IL36B: variants seen among roughly 807,000 people sequenced by gnomAD.
IL36B encodes the protein interleukin 36 beta, also known as interleukin-36 beta.
Under a neutral mutation model 19.3 loss-of-function variants are expected in IL36B, and 23 were observed. The ratio of observed to expected loss-of-function variants is 1.19; its 90% confidence interval spans 0.86 to 1.69. The LOEUF (loss-of-function observed/expected upper bound fraction) is 1.69. Among genes scored for constraint, IL36B ranks in the 40% most tolerant of loss-of-function variants. The pLI is 0.00. For missense variants in IL36B, 217 were observed against 200.5 expected, an observed-to-expected ratio of 1.08 and a Z score of -0.50; for synonymous variants, 59 against 59.7, an observed-to-expected ratio of 0.99 and a Z score of 0.05.
At position 113,032,376 on chromosome 2, in the gene IL36B, G is replaced by A. The variant is rs533291594; in HGVS notation, c.-57-610C>T. 2.0e-5 allele frequency among the ~76,000 whole-genome samples: 3 copies of A among 152,184 alleles called. No homozygotes were observed. In the East Asian group the frequency reaches 5.8e-4, roughly 29 times the overall value. On this transcript the variant is annotated intron_variant, in intron 1 of 5. Coordinates refer to ENST00000259213, the MANE Select transcript of IL36B (RefSeq NM_014438.5). ...GACTATTAGGGATCATCTGCCTCTG[G>A]TTTTCTAGTTAGGGCACCAGAACAG...
At chr2:113,028,666 G>A (rs996995689) in intron 4 of IL36B, among the ~76,000 whole-genome samples, 1 of 152,268 alleles carries the variant, frequency 6.6e-6, no homozygotes, top group South Asian at 2.1e-4. Context: ...AAACAGGACC[G>A]AGAATGGAGA....
intron 1 of IL36B, among the ~76,000 whole-genome samples, chr2:113,051,656 C>T (rs932385756): frequency 1.3e-5 from 2 of 152,302 alleles, no homozygotes; most frequent in Admixed American, 6.5e-5. Context: ...CAGGGTTTCT[C>T]GAAAGCGCTA....
chr2:113,030,286 C>G (rs1028130394), intron 3 of IL36B, among the ~76,000 whole-genome samples: 2 of 151,618 alleles, frequency 1.3e-5, no homozygotes, highest in African/African-American at 4.8e-5. Context: ...GTCCATTACA[C>G]TAGTGAGCTA....
At chr2:113,033,245 G>A (rs982056780) in intron 1 of IL36B, among the ~76,000 whole-genome samples, 2 of 151,706 alleles carry the variant, frequency 1.3e-5, no homozygotes, top group Admixed American at 6.6e-5. Flanking sequence ...TTTTTTTTTG[G>A]AGATGGAGTC....
intron 3 of IL36B, among the ~76,000 whole-genome samples, chr2:113,030,351 G>A (rs999040058): frequency 6.6e-6 from 1 of 152,306 alleles, no homozygotes; most frequent in Admixed American, 6.5e-5. Context: ...GTATTTGAAG[G>A]TCATGGGTGA....
At chr2:113,031,882 C>T (rs1685082369) in intron 1 of IL36B, 116 bp from the exon 2 acceptor site, 1 of 587,316 alleles carries the variant, frequency 1.7e-6, no homozygotes, top group Non-Finnish European at 3.0e-6. Context: ...CTGAGAGCCT[C>T]TCCTAGATGC....
At chr2:113,039,819 T>C (rs1362002221) in intron 1 of IL36B, among the ~76,000 whole-genome samples, 1 of 152,178 alleles carries the variant, frequency 6.6e-6, no homozygotes, top group Non-Finnish European at 1.5e-5. Flanking sequence ...TGGCTTGTAT[T>C]GGATCAGGAC....
At chr2:113,022,984 G>A (rs1315496153) in intron 5 of IL36B, among the ~76,000 whole-genome samples, 2 of 152,138 alleles carry the variant, frequency 1.3e-5, no homozygotes, top group East Asian at 3.9e-4. Flanking sequence ...TAGAGTTGGT[G>A]GGCATGGTTT....
chr2:113,051,145 C>T (rs895376266), intron 1 of IL36B, among the ~76,000 whole-genome samples: 1 of 152,174 alleles, frequency 6.6e-6, no homozygotes, highest in African/African-American at 2.4e-5. Flanking sequence ...ACACTGAGAG[C>T]GGCAGGCCCC....
intron 5 of IL36B, among the ~76,000 whole-genome samples, chr2:113,024,989 T>C (rs1318301206): frequency 6.6e-6 from 1 of 152,224 alleles, no homozygotes; most frequent in African/African-American, 2.4e-5. Context: ...TTCCCTGGGC[T>C]CCTTCTCTTG....
intron 1 of IL36B, 47 bp from the exon 2 acceptor site, chr2:113,031,813 T>C: frequency 1.1e-6 from 1 of 896,654 alleles, no homozygotes; most frequent in Non-Finnish European, 1.8e-6. Context: ...AAACATGTTA[T>C]GCTTTTTTCT....
intron 5 of IL36B, among the ~76,000 whole-genome samples, chr2:113,024,680 G>A (rs1558829891): frequency 6.6e-6 from 1 of 152,312 alleles, no homozygotes; most frequent in East Asian, 1.9e-4. Context: ...GGGCACAGGT[G>A]GTGTGATGTA....
intron 1 of IL36B, among the ~76,000 whole-genome samples, chr2:113,043,591 T>C (rs994079508): frequency 1.3e-5 from 2 of 152,230 alleles, no homozygotes; most frequent in African/African-American, 4.8e-5. Context: ...AGACAGAGTC[T>C]TGCTCTGTCG....
At chr2:113,051,642 C>G (rs1685448145) in intron 1 of IL36B, among the ~76,000 whole-genome samples, 1 of 152,202 alleles carries the variant, frequency 6.6e-6, no homozygotes, top group Non-Finnish European at 1.5e-5. Context: ...ACTTCACTGG[C>G]ATCCAGGGTT....
rs775895039 is a variant in IL36B, at chr2:113,031,047, C to T, written c.121+1G>A. Reference sequence around the variant, plus strand: ...CAACAGTGGGTTTGATTGTCACTCACCAGGCTTAATGCTGCGGCTAAGAGG... The same window carrying T: ...CAACAGTGGGTTTGATTGTCACTCATCAGGCTTAATGCTGCGGCTAAGAGG... On this transcript the variant is annotated splice_donor_variant, in intron 3 of 5. Coordinates refer to ENST00000259213, the MANE Select transcript of IL36B (RefSeq NM_014438.5). LOFTEE classifies it high-confidence loss of function. 39 of 1,601,408 alleles carry T rather than the reference C, an allele frequency of 2.4e-5. No individual in the cohort carries two copies. The highest frequency in any genetic ancestry group is 3.3e-5 in the Non-Finnish European group (38 of 1,168,460).
intron 4 of IL36B, chr2:113,027,738 A>C (rs1684990322): frequency 1.4e-6 from 2 of 1,442,168 alleles, no homozygotes. Context: ...GTCTTGGTAC[A>C]GAAATGGATG....
chr2:113,041,352 G>A (rs1044683261), intron 1 of IL36B, among the ~76,000 whole-genome samples: 1 of 152,158 alleles, frequency 6.6e-6, no homozygotes. Flanking sequence ...GGGAGAAAGA[G>A]ATACCTTTTA....
intron 1 of IL36B, among the ~76,000 whole-genome samples, chr2:113,047,304 C>T (rs952986079): frequency 1.3e-5 from 2 of 152,254 alleles, no homozygotes; most frequent in Middle Eastern, 3.4e-3. Context: ...GGTTGAGTAT[C>T]CCTGATCCAA....
intron 4 of IL36B, chr2:113,027,795 T>C (rs1414679060): frequency 1.1e-5 from 16 of 1,507,918 alleles, no homozygotes; most frequent in Non-Finnish European, 2.7e-6. Context: ...AGGTAAGCTA[T>C]GGATGGGCTG....
Sources: allele counts gnomAD v4.1 joint callset (sites outside exome capture counted in the v4.1 genomes callset), GRCh38; gene constraint gnomAD v4.1.1; transcripts MANE v1.5; gene names NCBI Gene and HGNC (gene_info 2026-07-23, HGNC 2026-07-21).